The following MAP3K12 variants were observed in gnomAD, a reference collection of about 807,000 sequenced individuals.
The protein encoded by MAP3K12 is mitogen-activated protein kinase kinase kinase 12.
In MAP3K12, 14 loss-of-function variants were observed where a neutral mutation model predicts 87.5. The observed-to-expected ratio is 0.16, with a 90% CI of 0.11 to 0.25. The LOEUF (loss-of-function observed/expected upper bound fraction) is 0.25, where lower values mean the gene tolerates loss of function less well. Ranked by LOEUF, MAP3K12 falls within the 10% of genes least tolerant of loss-of-function variation. The pLI is 1.00. For missense variants in MAP3K12, 802 were observed against 1,140.4 expected (o/e 0.70, Z 4.27); for synonymous variants, 469 against 452.5 (o/e 1.04, Z -0.46).
chr12:53,495,339 C>CAAAAAAAAA lies in MAP3K12; in HGVS notation c.-38+4079_-38+4087dup, dbSNP rs10647631. Among the ~76,000 whole-genome samples, 4 of 19,378 alleles carry CAAAAAAAAA rather than the reference C, an allele frequency of 2.1e-4. 1 individual carries two copies. Among genetic ancestry groups the CAAAAAAAAA allele is most frequent in the South Asian group, 0.01 (2 of 192 alleles). The allele number at this position is 19,378 out of a possible 152,430, so 12.7% of individuals were successfully genotyped here. A position where few individuals can be genotyped will look rare whatever the true frequency, so the allele number is the denominator to read the frequency against. ...AGGCGACAGAGCAATACTCTGTCTC[C>CAAAAAAAAA]AAAAAAAAAAAAAAAAAAAAAAAAA... is the stretch of plus-strand genomic sequence containing the variant. On this transcript the variant is annotated intron_variant, in intron 1 of 13. Coordinates refer to ENST00000547488, the MANE Select transcript of MAP3K12 (RefSeq NM_001193511.2).
chr12:53,490,112 G>A (rs1943359515), intron 1 of MAP3K12, among the ~76,000 whole-genome samples: 1 of 152,094 alleles, frequency 6.6e-6, no homozygotes, highest in Non-Finnish European at 1.5e-5. Context: ...AGACCAGACT[G>A]GCCAACATGG....
rs145858926 is a variant in MAP3K12, at chr12:53,482,641, C to T, written c.2162G>A (p.Arg721Gln). 2.5e-5 allele frequency: 40 copies of T among 1,613,824 alleles called. No individual in the cohort carries two copies. The highest frequency in any genetic ancestry group is 2.3e-4 in the African/African-American group (17 of 74,944). Reference protein sequence around the residue: ...LGTGREGTSGRGGSRAGSQHL... With the variant: ...LGTGREGTSGQGGSRAGSQHL... ...CTGGGACCCAGCCCGGCTTCCTCCC[C>T]GGCCTGAGGTCCCTTCCCTTCCAGT... is the stretch of plus-strand genomic sequence containing the variant. The change falls in exon 11 of 14, where the codon CGG becomes CAG. Residue 721 changes from arginine to glutamine, a missense_variant. Physicochemically the swap from Arg to Gln is conservative, Grantham distance 43 (BLOSUM62 1). Coordinates refer to ENST00000547488, the MANE Select transcript of MAP3K12 (RefSeq NM_001193511.2).
intron 1 of MAP3K12, among the ~76,000 whole-genome samples, chr12:53,493,277 G>C (rs908714232): frequency 6.6e-5 from 10 of 152,110 alleles, no homozygotes; most frequent in African/African-American, 2.2e-4. Context: ...CTGGTTGCCG[G>C]GATGGCTGCG....
At chr12:53,485,871 AATC>A (rs1216976669) in intron 4 of MAP3K12, 182 bp downstream of exon 4, 75 of 608,774 alleles carry the variant, frequency 1.2e-4, no homozygotes, top group Non-Finnish European at 4.5e-5. Flanking sequence ...TTCAGTTTAA[AATC>A]ATTTGGGACA....
At chr12:53,488,490 C>T (rs867055928) in intron 1 of MAP3K12, among the ~76,000 whole-genome samples, 64 of 152,074 alleles carry the variant, frequency 4.2e-4, no homozygotes, top group African/African-American at 1.4e-3. Flanking sequence ...GGAGAAACCC[C>T]GTCTCTACTA....
rs916132388 is a variant in MAP3K12, at chr12:53,487,162, G to C, written c.230C>G (p.Ala77Gly). Residue 77 changes from alanine to glycine, a missense_variant, in exon 2 of 14, where the codon GCC becomes GGC. Around this residue, in one of 5 missense-constraint regions of MAP3K12, gnomAD observed 135 missense variants for 151.6 expected, o/e 0.89. Transcript: ENST00000547488. ...CTCATGTAGCTGCAGGACACTGTTG[G>C]CAAAAGGCTCAGGGGGCGGCTCTCC... ...PGGEPPPEPF[A>G]NSVLQLHEQD... is the part of the protein sequence containing the mutation. 1.5e-5 allele frequency: 24 copies of C among 1,613,946 alleles called. No individual in the cohort carries two copies. The highest frequency in any genetic ancestry group is 2.7e-5 in the African/African-American group (2 of 74,890).
At chr12:53,501,154 A>G, upstream of MAP3K12, 1 of 551,772 alleles carries the variant, frequency 1.8e-6, no homozygotes, top group Non-Finnish European at 3.2e-6. Flanking sequence ...GCGACGGCGG[A>G]GGGCCCGCTC....
At chr12:53,501,382 G>C, upstream of MAP3K12, 1 of 1,555,914 alleles carries the variant, frequency 6.4e-7, no homozygotes, top group Non-Finnish European at 8.7e-7. Flanking sequence ...TGCAGTCACG[G>C]TGGCGCCCGC....
In MAP3K12 at chr12:53,486,690, C is replaced by T. The variant is rs1311452447; in HGVS notation, c.446-68G>A. The T allele has an allele frequency of 6.8e-7, 1 of 1,481,360 alleles. No individual in the cohort carries two copies. Among genetic ancestry groups the T allele is most frequent in the Non-Finnish European group, 8.9e-7 (1 of 1,120,630 alleles). The allele number at this position is 1,481,360 out of a possible 1,614,324, so 91.8% of individuals were successfully genotyped here. On this transcript the variant is annotated intron_variant, in intron 2 of 13. Coordinates refer to ENST00000547488, the MANE Select transcript of MAP3K12 (RefSeq NM_001193511.2). The surrounding 1 kb of genome is among the most constrained non-coding windows in gnomAD (Gnocchi z 4.9). ...ACACTCAAGGCCAGGGACAGGATAG[C>T]ATTGGGTTGGCTGAATTGACTTAAG...
intron 7 of MAP3K12, 83 bp from the exon 8 acceptor site, chr12:53,484,103 T>C: frequency 1.4e-6 from 2 of 1,445,888 alleles, no homozygotes; most frequent in Non-Finnish European, 1.9e-6. Flanking sequence ...CCACTGCCAA[T>C]GTGTGTGCTG....
chr12:53,500,440 A>AG (rs1406268015), upstream of MAP3K12: 1 of 152,320 alleles, frequency 6.6e-6, no homozygotes, highest in Non-Finnish European at 1.5e-5. Flanking sequence ...CCCACATTAC[A>AG]GCCTGATTAT....
At chr12:53,485,895 A>G (rs1259106359) in intron 4 of MAP3K12, 161 bp downstream of exon 4, 5 of 650,342 alleles carry the variant, frequency 7.7e-6, no homozygotes, top group Non-Finnish European at 1.3e-5. Flanking sequence ...CTCAAAGGTG[A>G]GGGGCTCACT....
At chr12:53,489,313 CGT>C (rs1943336874) in intron 1 of MAP3K12, among the ~76,000 whole-genome samples, 1 of 151,918 alleles carries the variant, frequency 6.6e-6, no homozygotes, top group African/African-American at 2.4e-5. Flanking sequence ...AGCCAAACCC[CGT>C]CTCAAAAAAC....
In MAP3K12 at chr12:53,480,728, T is replaced by G. The variant is rs1432886908; in HGVS notation, c.*454A>C. On this transcript the variant is annotated 3_prime_UTR_variant, in exon 14 of 14. Coordinates refer to ENST00000547488, the MANE Select transcript of MAP3K12 (RefSeq NM_001193511.2). ...GAGTTACATTGCCACCTGAGAAACC[T>G]CAGAGGGGAGGACCCAGCCTTAGCC... is the stretch of plus-strand genomic sequence containing the variant. 3 of 152,498 alleles carry G rather than the reference T, an allele frequency of 2.0e-5. No individual in the cohort carries two copies. The highest frequency in any genetic ancestry group is 7.3e-5 in the African/African-American group (3 of 41,340). 9.4% of individuals were successfully genotyped at this position (152,498 alleles called of 1,614,324 possible).
At chr12:53,495,273 AGCCT>A (rs1943519796) in intron 1 of MAP3K12, among the ~76,000 whole-genome samples, 1 of 135,578 alleles carries the variant, frequency 7.4e-6, no homozygotes, top group South Asian at 2.5e-4. Context: ...CAGGGGGCGG[AGCCT>A]GCAGTGAGCC....
intron 6 of MAP3K12, 42 bp downstream of exon 6, chr12:53,485,014 C>T (rs748931229): frequency 6.2e-7 from 1 of 1,613,112 alleles, no homozygotes; most frequent in East Asian, 2.2e-5. Flanking sequence ...CCGTGCTTCT[C>T]AACTTCTCCA....
At chr12:53,494,875 C>A (rs930950346) in intron 1 of MAP3K12, among the ~76,000 whole-genome samples, 1 of 152,130 alleles carries the variant, frequency 6.6e-6, no homozygotes. Flanking sequence ...GTCCCCTTGG[C>A]TGCAGCTCGT....
Position 53,482,885 on chromosome 12 carries a change from A to G in MAP3K12, c.1918T>C (p.Ser640Pro), listed in dbSNP as rs766913120. The change falls in exon 11 of 14, where the codon TCT (serine) becomes CCT (proline). Residue 640 changes from serine to proline, a missense_variant. Physicochemically the swap from Ser to Pro is moderately conservative, Grantham distance 74. Transcript: ENST00000547488. ...LHHDLLLRKM[S>P]SSSPDLLSAA... Reference sequence around the variant, plus strand: ...GACAGCAGGTCTGGGGACGATGAAGACATTTTGCGGAGCAGGAGGTCATGA... The same window carrying G: ...GACAGCAGGTCTGGGGACGATGAAGGCATTTTGCGGAGCAGGAGGTCATGA... The G allele has an allele frequency of 1.2e-6, 2 of 1,612,362 alleles. No homozygotes were observed. Among genetic ancestry groups the G allele is most frequent in the South Asian group, 1.1e-5 (1 of 90,994 alleles).
At position 53,482,867 on chromosome 12, in the gene MAP3K12, G is replaced by C; in HGVS notation, c.1936C>G (p.Leu646Val). The change falls in exon 11 of 14, where the codon CTG becomes GTG. Residue 646 changes from leucine to valine, a missense_variant. Leu to Val is a conservative substitution (Grantham distance 32, BLOSUM62 1). This residue lies in a region of MAP3K12 where 490 missense variants were observed against 496.6 expected (regional missense o/e 0.99). Transcript: ENST00000547488. Reference sequence around the variant, plus strand: ...CGGGACCCTAGTGCTGCTGACAGCAGGTCTGGGGACGATGAAGACATTTTG... The same window carrying C: ...CGGGACCCTAGTGCTGCTGACAGCACGTCTGGGGACGATGAAGACATTTTG... ...LRKMSSSSPDLLSAALGSRGR... is the reference protein window; with the variant it reads ...LRKMSSSSPDVLSAALGSRGR... 1.2e-6 allele frequency: 2 copies of C among 1,613,146 alleles called. No homozygotes were observed. The highest frequency in any genetic ancestry group is 1.7e-6 in the Non-Finnish European group (2 of 1,179,796).
Sources: gnomAD v4.1 joint callset for allele counts (sites outside exome capture counted in the v4.1 genomes callset) on GRCh38, gnomAD v4.1.1 for gene constraint, gnomAD v4.1.1 regional missense constraint, Gnocchi (gnomAD v3.1) non-coding constraint, MANE v1.5 for transcripts, NCBI Gene and HGNC (gene_info 2026-07-23, HGNC 2026-07-21) for gene names.